Variants in EIF2AK3 observed in about 807,000 individuals in gnomAD.
The protein encoded by EIF2AK3 is eukaryotic translation initiation factor 2-alpha kinase 3.
EIF2AK3 carries 50 observed loss-of-function variants against 113.5 expected under a neutral mutation model. The ratio of observed to expected loss-of-function variants is 0.44; its 90% CI spans 0.35 to 0.56. The LOEUF (loss-of-function observed/expected upper bound fraction) is 0.56, where lower values mean the gene tolerates loss of function less well. Ranked by LOEUF, EIF2AK3 falls within the 20% of genes least tolerant of loss-of-function variation. The probability of loss-of-function intolerance (pLI) is 0.00; values close to 1 mark genes in which losing one functional copy is unlikely to be tolerated. For missense variants in EIF2AK3, 1,185 were observed against 1,378.0 expected (o/e 0.86, Z 2.22); for synonymous variants, 448 against 495.4 (o/e 0.90, Z 1.27).
intron 2 of EIF2AK3, among the ~76,000 whole-genome samples, chr2:88,609,580 G>A (rs1675378757): frequency 6.6e-6 from 1 of 152,216 alleles, no homozygotes; most frequent in Non-Finnish European, 1.5e-5. Flanking sequence ...TAATTAGGAA[G>A]TATGTAACAA....
At chr2:88,598,703 T>C (rs1051637176) in intron 2 of EIF2AK3, among the ~76,000 whole-genome samples, 4 of 152,162 alleles carry the variant, frequency 2.6e-5, no homozygotes, top group East Asian at 3.8e-4. Context: ...GTACTAGGCA[T>C]AGAGGATGCT....
At chr2:88,622,948 A>C (rs1675768136) in intron 1 of EIF2AK3, among the ~76,000 whole-genome samples, 1 of 152,230 alleles carries the variant, frequency 6.6e-6, no homozygotes, top group South Asian at 2.1e-4. Context: ...ATCTCATTTA[A>C]TAAAAAAATC....
intron 2 of EIF2AK3, among the ~76,000 whole-genome samples, chr2:88,599,282 A>G (rs547521818): frequency 1.3e-5 from 2 of 152,288 alleles, no homozygotes; most frequent in East Asian, 3.9e-4. Context: ...ATATTACCTT[A>G]GAGTCTTAGC....
In EIF2AK3 at chr2:88,588,772, T is replaced by G; in HGVS notation, c.1295A>C (p.Lys432Thr). Residue 432 changes from lysine to threonine, a missense_variant, in exon 7 of 17, where the codon AAA (lysine) becomes ACA (threonine). Lys to Thr is a moderately conservative substitution (Grantham distance 78). Transcript: ENST00000303236. The part of the protein sequence containing the change: ...AIIPLPTIKW[K>T]PLIHSPSRTP... The stretch of plus-strand genomic sequence containing the variant: ...TACAATTCACTTACGAATTAAGGGT[T>G]TCCATTTGATTGTTGGTAAAGGAAT... 1 of 1,613,740 alleles carries G rather than the reference T, an allele frequency of 6.2e-7. No homozygotes were observed. The highest frequency in any genetic ancestry group is 8.5e-7 in the Non-Finnish European group (1 of 1,179,786).
Position 88,575,165 on chromosome 2 carries a change from T to C in EIF2AK3, c.2318A>G (p.Asp773Gly). ...CTCATCATTGCCATCCATAGTCCCA[T>C]CTTCCACATCACAGTCTGTAAGGCA... ...DSCLTDCDVE[D>G]GTMDGNDEGH... The change falls in exon 13 of 17, where the codon GAT (aspartate) becomes GGT (glycine). Residue 773 changes from aspartate (D) to glycine (G), a missense_variant. This residue lies in a region of EIF2AK3 where 877 missense variants were observed against 1,024.2 expected (regional missense o/e 0.86). Transcript: ENST00000303236. The C allele has an allele frequency of 1.2e-6, 2 of 1,613,828 alleles. No homozygotes were observed. Among genetic ancestry groups the C allele is most frequent in the South Asian group, 2.2e-5 (2 of 91,076 alleles).
rs1243759973 is a variant in EIF2AK3 at position 88,557,583 on chromosome 2, C to T, written c.*153G>A. 2.4e-6 allele frequency: 2 copies of T among 816,808 alleles called. No individual in the cohort carries two copies. Among genetic ancestry groups the T allele is most frequent in the Non-Finnish European group, 4.1e-6 (2 of 486,992 alleles). The allele number at this position is 816,808 out of a possible 1,614,324, so 50.6% of individuals were successfully genotyped here. A position where few individuals can be genotyped will look rare whatever the true frequency, so the allele number is the denominator to read the frequency against. On this transcript the variant is annotated 3_prime_UTR_variant, in exon 17 of 17. Transcript: ENST00000303236. ...GAGTTGGCTCAAATTAGGTTATGCC[C>T]CCAAATCCAGCTTAAATTTGATATA...
intron 4 of EIF2AK3, 55 bp from the exon 5 acceptor site, chr2:88,591,107 T>C: frequency 6.8e-7 from 1 of 1,481,036 alleles, no homozygotes; most frequent in South Asian, 1.1e-5. Flanking sequence ...AGGGACAAAA[T>C]AATATAGAAC....
intron 2 of EIF2AK3, among the ~76,000 whole-genome samples, chr2:88,596,708 C>T: frequency 6.6e-6 from 1 of 152,000 alleles, no homozygotes. Context: ...AGAGTGGAGG[C>T]AGAGAGAGCA....
At chr2:88,584,353 C>A (rs538114046) in intron 9 of EIF2AK3, among the ~76,000 whole-genome samples, 3 of 151,832 alleles carry the variant, frequency 2.0e-5, no homozygotes, top group South Asian at 4.2e-4. Context: ...CCCATCTCTA[C>A]AAAAAATACA....
At chr2:88,603,686 A>G (rs529299604) in intron 2 of EIF2AK3, among the ~76,000 whole-genome samples, 10 of 152,188 alleles carry the variant, frequency 6.6e-5, no homozygotes, top group Non-Finnish European at 1.3e-4. Flanking sequence ...GTCTCTCTCA[A>G]TTTTAAAATG....
At chr2:88,622,443 A>T (rs1346952432) in intron 1 of EIF2AK3, among the ~76,000 whole-genome samples, 4 of 152,200 alleles carry the variant, frequency 2.6e-5, no homozygotes. Flanking sequence ...AGCAACTGAT[A>T]AAGACAGGTC....
Position 88,583,470 on chromosome 2 carries a change from T to C in EIF2AK3, c.1723A>G (p.Ser575Gly). Reference sequence around the variant, plus strand: ...GAGTTTTTTATGTCATTCCAGCTACTGTCATTGGCTTCACCACTTACAGAA... The same window carrying C: ...GAGTTTTTTATGTCATTCCAGCTACCGTCATTGGCTTCACCACTTACAGAA... The part of the protein sequence containing the change: ...YDSVSGEAND[S>G]SWNDIKNSGY... The change falls in exon 10 of 17, where the codon AGT becomes GGT. Residue 575 changes from serine to glycine, a missense_variant. Ser to Gly is a moderately conservative substitution (Grantham distance 56). Around this residue, in one of 3 missense-constraint regions of EIF2AK3, gnomAD observed 877 missense variants for 1,024.2 expected, o/e 0.86. Transcript: ENST00000303236. The C allele has an allele frequency of 6.2e-7, 1 of 1,613,316 alleles. No individual in the cohort carries two copies. Among genetic ancestry groups the C allele is most frequent in the Non-Finnish European group, 8.5e-7 (1 of 1,179,662 alleles).
At chr2:88,586,383 T>G (rs1209445623) in intron 8 of EIF2AK3, among the ~76,000 whole-genome samples, 3 of 152,122 alleles carry the variant, frequency 2.0e-5, no homozygotes, top group Non-Finnish European at 4.4e-5. Flanking sequence ...TCAATCTTCC[T>G]TCAGGGTATT....
chr2:88,593,773 A>G (rs1026920734), intron 3 of EIF2AK3: 9 of 408,124 alleles, frequency 2.2e-5, no homozygotes, highest in Admixed American at 5.8e-5. Context: ...GAGTTTCTGT[A>G]TAACAAAAGT....
intron 2 of EIF2AK3, among the ~76,000 whole-genome samples, chr2:88,608,331 C>T (rs557370480): frequency 1.3e-5 from 2 of 152,056 alleles, no homozygotes; most frequent in Non-Finnish European, 2.9e-5. Context: ...GTAGCTGGGA[C>T]GACTACTCAG....
chr2:88,575,629 C>G (rs1674439021), intron 12 of EIF2AK3, 183 bp from the exon 13 acceptor site: 1 of 694,732 alleles, frequency 1.4e-6, no homozygotes, highest in African/African-American at 1.8e-5. Context: ...TCCATTCATT[C>G]CTTCTAAAAA....
chr2:88,581,124 A>G (rs1390148516), intron 10 of EIF2AK3, among the ~76,000 whole-genome samples: 1 of 151,976 alleles, frequency 6.6e-6, no homozygotes, highest in Non-Finnish European at 1.5e-5. Flanking sequence ...ATTTGAACTC[A>G]TGACTGAATG....
At chr2:88,609,298 C>T (rs1408763929) in intron 2 of EIF2AK3, among the ~76,000 whole-genome samples, 1 of 152,150 alleles carries the variant, frequency 6.6e-6, no homozygotes, top group Non-Finnish European at 1.5e-5. Context: ...AAATAGCACA[C>T]AGTTTTCAAA....
At chr2:88,573,878 T>G (rs1234214089) in intron 13 of EIF2AK3, among the ~76,000 whole-genome samples, 5 of 152,294 alleles carry the variant, frequency 3.3e-5, no homozygotes, top group Non-Finnish European at 7.4e-5. Context: ...AGAAAAGTAT[T>G]TATACATTCA....
Sources: allele counts gnomAD v4.1 joint callset (sites outside exome capture counted in the v4.1 genomes callset), GRCh38; gene constraint gnomAD v4.1.1; regional missense constraint gnomAD v4.1.1; transcripts MANE v1.5; gene names NCBI Gene and HGNC (gene_info 2026-07-23, HGNC 2026-07-21).